The following PAK3 variants were observed in gnomAD, a reference collection of about 807,000 sequenced individuals.
The protein encoded by PAK3 is p21 (RAC1) activated kinase 3.
Under a neutral mutation model 41.0 loss-of-function variants are expected in PAK3, and 4 were observed. The observed-to-expected ratio is 0.10, with a 90% confidence interval of 0.05 to 0.22. The LOEUF (loss-of-function observed/expected upper bound fraction) is 0.22, where lower values mean the gene tolerates loss of function less well. Ranked by LOEUF, PAK3 falls within the 10% of genes least tolerant of loss-of-function variation. The pLI is 1.00. For synonymous variants in PAK3, 146 were observed against 139.6 expected (o/e 1.05, Z -0.32); for missense variants, 205 against 409.9 (o/e 0.50, Z 4.32).
chrX:111,200,471 T>C (rs2094669602), intron 16 of PAK3, among the ~76,000 whole-genome samples: 2 of 111,976 alleles, frequency 1.8e-5, no homozygotes, highest in Admixed American at 9.5e-5. Context: ...AATCTGGAAA[T>C]GAGATGTGCA....
chrX:111,176,076 C>T (rs1057092274), intron 11 of PAK3, among the ~76,000 whole-genome samples: 3 of 111,343 alleles, frequency 2.7e-5, no homozygotes, highest in South Asian at 3.9e-4. Context: ...GTGTTTAGCA[C>T]AGTGCTTTTG....
chrX:111,203,938 A>G (rs2094711278), intron 16 of PAK3, among the ~76,000 whole-genome samples: 1 of 111,858 alleles, frequency 8.9e-6, no homozygotes, highest in Admixed American at 9.5e-5. Context: ...ATTTTCCATA[A>G]GCCATGATGG....
chrX:111,196,482 A>G lies in PAK3; in HGVS notation c.1249A>G (p.Ser417Gly). ...CTGTGCCCAGATCACTCCTGAGCAA[A>G]GTAAACGAAGCACTATGGTGGGAAC... ...GFCAQITPEQ[S>G]KRSTMVGTPY... Residue 417 changes from serine to glycine, a missense_variant, in exon 16 of 18, where the codon AGT becomes GGT. By Grantham distance (56) the Ser-to-Gly change is moderately conservative (BLOSUM62 0). Transcript: ENST00000372007. 8.3e-7 allele frequency: 1 copy of G among 1,210,107 alleles called. No individual in the cohort carries two copies.
At chrX:111,018,186 A>T (rs191868481) in intron 1 of PAK3, among the ~76,000 whole-genome samples, 79 of 111,892 alleles carry the variant, frequency 7.1e-4, no homozygotes, top group Middle Eastern at 4.6e-3. Context: ...CAAGACAAGG[A>T]TGTCAGCTTT....
At chrX:111,004,398 CTAT>C (rs1429859342) in intron 1 of PAK3, among the ~76,000 whole-genome samples, 2 of 112,050 alleles carry the variant, frequency 1.8e-5, no homozygotes, top group Non-Finnish European at 3.8e-5. Flanking sequence ...TATGTCTGAA[CTAT>C]ACTGTCACAT....
At chrX:110,955,932 A>G (rs1171201254) in intron 1 of PAK3, among the ~76,000 whole-genome samples, 1 of 112,131 alleles carries the variant, frequency 8.9e-6, no homozygotes, top group Non-Finnish European at 1.9e-5. Flanking sequence ...AAAGGTTAAA[A>G]GATCACTTGC....
intron 4 of PAK3, among the ~76,000 whole-genome samples, chrX:111,121,944 G>C (rs912400951): frequency 9.0e-6 from 1 of 110,940 alleles, no homozygotes; most frequent in Admixed American, 9.6e-5. Context: ...CTCAGATGTA[G>C]ACACAAGATA....
At position 110,987,772 on chromosome X, in the gene PAK3, T is replaced by C. The variant is rs188042193; in HGVS notation, c.-28+43144T>C. On this transcript the variant is annotated intron_variant, in intron 1 of 14. Transcript: ENST00000425146. The stretch of plus-strand genomic sequence containing the variant: ...ATCTGATCTGGAATTTGACTTGGTA[T>C]AGAATATTTCAGGATAGGTTCAAGG... Among the ~76,000 whole-genome samples the C allele has an allele frequency of 2.1e-4, 23 of 111,998 alleles. No homozygotes were observed. In the East Asian group the frequency reaches 5.6e-3, roughly 27 times the overall value.
chrX:111,028,908 C>T (rs1032131954), intron 1 of PAK3, among the ~76,000 whole-genome samples: 1 of 110,373 alleles, frequency 9.1e-6, no homozygotes, highest in African/African-American at 3.3e-5. Flanking sequence ...TGAGGCCAGA[C>T]GATTGCTTCA....
intron 1 of PAK3, among the ~76,000 whole-genome samples, chrX:111,035,105 C>CAAAAAAAAAAA (rs533876214): frequency 1.3e-4 from 5 of 39,556 alleles, no homozygotes; most frequent in African/African-American, 5.6e-4. Context: ...GACCCTGTCT[C>CAAAAAAAAAAA]AAAAAAAAAA....
chrX:111,129,060 C>T (rs1210925408), intron 5 of PAK3, among the ~76,000 whole-genome samples: 1 of 111,441 alleles, frequency 9.0e-6, no homozygotes, highest in African/African-American at 3.3e-5. Flanking sequence ...ATACTCTATA[C>T]AGCAGGAATC....
intron 16 of PAK3, among the ~76,000 whole-genome samples, chrX:111,199,283 G>A (rs1007010669): frequency 8.1e-5 from 9 of 111,622 alleles, no homozygotes; most frequent in Middle Eastern, 4.6e-3. Context: ...GAGATAGTTT[G>A]ATTTCTTCTC....
chrX:111,212,704 T>A (rs1472486437), intron 16 of PAK3, among the ~76,000 whole-genome samples: 4 of 112,391 alleles, frequency 3.6e-5, no homozygotes, highest in African/African-American at 1.3e-4. Context: ...GGTTTAATCC[T>A]AGGAAGACAA....
chrX:111,227,359 T>A lies in PAK3; in HGVS notation c.*6912T>A, dbSNP rs778638587. On this transcript the variant is annotated 3_prime_UTR_variant, in exon 18 of 18. Coordinates refer to ENST00000372007, the MANE Select transcript of PAK3 (RefSeq NM_002578.5). ...TGCAAATAAAAATGACAAACATCAA[T>A]GAGCTATTGCTTCTGTCTTCTGTCA... The A allele has an allele frequency of 1.8e-4, 20 of 112,143 alleles. No homozygotes were observed. The highest frequency in any genetic ancestry group is 6.2e-4 in the African/African-American group (19 of 30,836). The allele number at this position is 112,143 out of a possible 1,213,427, so 9.2% of individuals were successfully genotyped here.
rs1339314800 is a variant in PAK3, at chrX:111,220,956, A to AC, written c.*509_*510insC. On this transcript the variant is annotated 3_prime_UTR_variant, in exon 18 of 18. Transcript: ENST00000372007. ...CAAAAAAAGCAAGGCAAAAAAAAAA[A>AC]AAAAAACAAACAAAAACAAAAACAA... The AC allele has an allele frequency of 1.8e-5, 2 of 111,466 alleles. No homozygotes were observed. Among genetic ancestry groups the AC allele is most frequent in the African/African-American group, 6.7e-5 (2 of 30,053 alleles). The allele number at this position is 111,466 out of a possible 1,213,427, so 9.2% of individuals were successfully genotyped here.
chrX:111,037,808 T>C (rs917660425), intron 1 of PAK3, among the ~76,000 whole-genome samples: 4 of 111,668 alleles, frequency 3.6e-5, no homozygotes, highest in African/African-American at 1.3e-4. Flanking sequence ...AAAAACCTGA[T>C]TATATCAGGA....
intron 4 of PAK3, among the ~76,000 whole-genome samples, chrX:111,108,065 C>A (rs2093306111): frequency 8.9e-6 from 1 of 111,982 alleles, no homozygotes; most frequent in Admixed American, 9.4e-5. Context: ...TGCCATGAAA[C>A]AGTAGTATGA....
At chrX:111,188,212 C>A (rs1254099764) in intron 11 of PAK3, among the ~76,000 whole-genome samples, 1 of 108,428 alleles carries the variant, frequency 9.2e-6, no homozygotes, top group Non-Finnish European at 1.9e-5. Flanking sequence ...CAAAAAAAAA[C>A]AAAACCCACG....
intron 1 of PAK3, among the ~76,000 whole-genome samples, chrX:110,972,182 C>G (rs1268094701): frequency 1.8e-5 from 2 of 111,075 alleles, no homozygotes; most frequent in Non-Finnish European, 3.8e-5. Context: ...TGTCTTATTG[C>G]GCTGGGTAGT....
Sources: gnomAD v4.1 joint callset for allele counts (sites outside exome capture counted in the v4.1 genomes callset) on GRCh38, gnomAD v4.1.1 for gene constraint, MANE v1.5 for transcripts, NCBI Gene and HGNC (gene_info 2026-07-23, HGNC 2026-07-21) for gene names.